The following CELF2 variants were observed in gnomAD, a reference collection of about 807,000 sequenced individuals.
CELF2 encodes CUG triplet repeat RNA-binding protein 2.
Under a neutral mutation model 62.6 loss-of-function variants are expected in CELF2, and 8 were observed. The ratio of observed to expected loss-of-function variants is 0.13; its 90% confidence interval spans 0.07 to 0.23. CELF2 has a LOEUF of 0.23. Among genes scored for constraint, CELF2 ranks in the 10% least tolerant of loss-of-function variants. The probability of loss-of-function intolerance (pLI) is 1.00; values close to 1 mark genes in which losing one functional copy is unlikely to be tolerated. For synonymous variants in CELF2, 258 were observed against 250.0 expected, an observed-to-expected ratio of 1.03 and a Z score of -0.30; for missense variants, 333 against 671.0, an observed-to-expected ratio of 0.50 and a Z score of 5.56.
Position 11,114,401 on chromosome 10 carries a change from C to T in CELF2, c.75-51085C>T, listed in dbSNP as rs149175785. ...AACTGCTGTAGCAGTAAATACATAACATATCAAAGAAAATGTGACAGTTCT... is the reference window on the plus strand; with the variant it reads ...AACTGCTGTAGCAGTAAATACATAATATATCAAAGAAAATGTGACAGTTCT... On this transcript the variant is annotated intron_variant, in intron 1 of 12. Coordinates refer to ENST00000633077, the MANE Select transcript of CELF2 (RefSeq NM_001326342.2). Among the ~76,000 whole-genome samples the T allele has an allele frequency of 2.6e-3, 403 of 152,226 alleles. 1 individual carries two copies. Among genetic ancestry groups the T allele is most frequent in the African/African-American group, 9.2e-3 (381 of 41,540 alleles).
At chr10:10,737,380 A>C in the CELF2 span, among the ~76,000 whole-genome samples, 1 of 152,124 alleles carries the variant, frequency 6.6e-6, no homozygotes, top group African/African-American at 2.4e-5. Context: ...CTAGTATCTC[A>C]CAGAGAATTA....
intron 1 of CELF2, among the ~76,000 whole-genome samples, chr10:10,823,349 C>T (rs1354974998): frequency 1.3e-5 from 2 of 152,218 alleles, no homozygotes; most frequent in African/African-American, 4.8e-5. Context: ...CAGGCGTTCC[C>T]AGGGTTGTGG....
chr10:11,326,489 C>T (rs1260627296), intron 12 of CELF2, among the ~76,000 whole-genome samples: 2 of 152,276 alleles, frequency 1.3e-5, no homozygotes, highest in African/African-American at 2.4e-5. Context: ...GGGCCACCAT[C>T]GGGGAGTGGG....
chr10:11,094,687 A>C (rs1369349075), intron 1 of CELF2, among the ~76,000 whole-genome samples: 3 of 152,214 alleles, frequency 2.0e-5, no homozygotes, highest in East Asian at 3.8e-4. Flanking sequence ...GCACTCTGGG[A>C]AAAAGACTGC....
At chr10:11,031,100 G>A (rs560505200) in intron 1 of CELF2, among the ~76,000 whole-genome samples, 5 of 152,272 alleles carry the variant, frequency 3.3e-5, no homozygotes, top group East Asian at 1.9e-4. Context: ...TGACTTAGAC[G>A]AATGCTTGGC....
At chr10:10,650,391 TGTTAA>T in the CELF2 span, among the ~76,000 whole-genome samples, 3 of 152,204 alleles carry the variant, frequency 2.0e-5, no homozygotes, top group Admixed American at 2.0e-4. Flanking sequence ...TGACTTAAAA[TGTTAA>T]GTTAAAAAAT....
the CELF2 span, among the ~76,000 whole-genome samples, chr10:10,485,472 G>A: frequency 6.6e-6 from 1 of 152,214 alleles, no homozygotes; most frequent in South Asian, 2.1e-4. Flanking sequence ...TTGGTTACAA[G>A]TGTGAACAAT....
Position 11,165,649 on chromosome 10 carries a change from C to A in CELF2, c.238C>A (p.Arg80=), listed in dbSNP as rs2066846971. Residue 80 remains arginine (R), a synonymous_variant, in exon 2 of 13, where the codon CGG becomes AGG. Coordinates refer to ENST00000633077, the MANE Select transcript of CELF2 (RefSeq NM_001326342.2). The surrounding 1 kb of genome is among the most constrained non-coding windows in gnomAD (Gnocchi z 7.4). ...YGAVYQINVL[R]DRSQNPPQSK... is the part of the protein sequence containing the mutation. ...AGCCGTCTACCAGATCAACGTCCTC[C>A]GGGACCGGAGTCAGAACCCTCCGCA... 1 of 1,613,948 alleles carries A rather than the reference C, an allele frequency of 6.2e-7. No homozygotes were observed. The highest frequency in any genetic ancestry group is 8.5e-7 in the Non-Finnish European group (1 of 1,179,970).
chr10:10,487,797 T>C, the CELF2 span, among the ~76,000 whole-genome samples: 1 of 152,174 alleles, frequency 6.6e-6, no homozygotes, highest in African/African-American at 2.4e-5. Flanking sequence ...GAATTAGTAA[T>C]GGTGGTCTTT....
the CELF2 span, among the ~76,000 whole-genome samples, chr10:10,548,049 C>A: frequency 6.6e-6 from 1 of 152,238 alleles, no homozygotes; most frequent in Non-Finnish European, 1.5e-5. Context: ...TATAGAGAGA[C>A]AAGGCAGCAA....
At chr10:10,497,303 G>C in the CELF2 span, among the ~76,000 whole-genome samples, 1 of 152,004 alleles carries the variant, frequency 6.6e-6, no homozygotes, top group African/African-American at 2.4e-5. Context: ...AGAAAGGAGA[G>C]GACGCAACAG....
At chr10:11,252,130 C>T (rs1002826670) in intron 4 of CELF2, among the ~76,000 whole-genome samples, 1 of 152,130 alleles carries the variant, frequency 6.6e-6, no homozygotes, top group African/African-American at 2.4e-5. Context: ...TGAACAGCTT[C>T]GAGGTTCTCT....
At chr10:10,922,831 A>G (rs2065048898) in intron 2 of CELF2, 3 of 152,304 alleles carry the variant, frequency 2.0e-5, no homozygotes, top group African/African-American at 7.2e-5. Flanking sequence ...TGATTTCTCA[A>G]TCGTACTTCT....
the CELF2 span, among the ~76,000 whole-genome samples, chr10:10,781,882 C>A: frequency 6.6e-6 from 1 of 151,976 alleles, no homozygotes; most frequent in African/African-American, 2.4e-5. Context: ...TTCAACCAAC[C>A]GTGAATCAAA....
chr10:11,306,991 C>CTA lies in CELF2; in HGVS notation c.977-7147_977-7146insAT, dbSNP rs889070082. Among the ~76,000 whole-genome samples the CTA allele has an allele frequency of 5.2e-4, 79 of 152,302 alleles. 1 individual carries two copies. Among genetic ancestry groups the CTA allele is most frequent in the African/African-American group, 1.9e-3 (77 of 41,558 alleles). Reference sequence around the variant, plus strand: ...AGCTAGGCTGCCCCATGCTCATAGGCTGTGCGTGTATCTGTGCCTAAGGAG... The same window carrying CTA: ...AGCTAGGCTGCCCCATGCTCATAGGCTATGTGCGTGTATCTGTGCCTAAGGAG... On this transcript the variant is annotated intron_variant, in intron 9 of 12. Coordinates refer to ENST00000633077, the MANE Select transcript of CELF2 (RefSeq NM_001326342.2). This position sits in a 1 kb window ranked among gnomAD's most constrained non-coding sequence, Gnocchi z 4.4.
the CELF2 span, among the ~76,000 whole-genome samples, chr10:10,523,477 GT>G: frequency 6.6e-6 from 1 of 152,174 alleles, no homozygotes; most frequent in African/African-American, 2.4e-5. Context: ...CTATAGTGCT[GT>G]ATACATTTAC....
the CELF2 span, among the ~76,000 whole-genome samples, chr10:10,488,905 C>T: frequency 1.3e-5 from 2 of 152,062 alleles, no homozygotes; most frequent in African/African-American, 4.8e-5. Flanking sequence ...AAATCCCCAA[C>T]AGAGACACAA....
the CELF2 span, among the ~76,000 whole-genome samples, chr10:10,787,838 A>T: frequency 6.6e-6 from 1 of 152,240 alleles, no homozygotes; most frequent in African/African-American, 2.4e-5. Flanking sequence ...CCAGAGAAGC[A>T]TGTGTCCCAG....
intron 1 of CELF2, among the ~76,000 whole-genome samples, chr10:11,103,789 TG>T (rs2052571144): frequency 6.6e-6 from 1 of 152,070 alleles, no homozygotes; most frequent in South Asian, 2.1e-4. Flanking sequence ...ACCTAACAAG[TG>T]GGTGAATTCG....
Sources: gnomAD v4.1 joint callset for allele counts (sites outside exome capture counted in the v4.1 genomes callset) on GRCh38, gnomAD v4.1.1 for gene constraint, Gnocchi (gnomAD v3.1) non-coding constraint, MANE v1.5 for transcripts, NCBI Gene and HGNC (gene_info 2026-07-23, HGNC 2026-07-21) for gene names.